The following CHD5 variants were observed in gnomAD, a reference collection of about 807,000 sequenced individuals.
CHD5 encodes the protein ATP-dependent chromatin remodeler CHD5.
In CHD5, 69 loss-of-function variants were observed where a neutral mutation model predicts 230.3. The ratio of observed to expected loss-of-function variants is 0.30; its 90% confidence interval spans 0.25 to 0.37. The LOEUF is 0.37. Among genes scored for constraint, CHD5 ranks in the 10% least tolerant of loss-of-function variants. CHD5 has a pLI of 1.00. For synonymous variants in CHD5, 1,064 were observed against 1,065.9 expected (o/e 1.00, Z 0.03); for missense variants, 1,827 against 2,622.8 (o/e 0.70, Z 6.63).
At position 6,131,495 on chromosome 1, in the gene CHD5, G is replaced by A. The variant is rs766125254; in HGVS notation, c.3262+136C>T. The A allele has an allele frequency of 7.4e-5, 42 of 568,240 alleles. No individual in the cohort carries two copies. The highest frequency in any genetic ancestry group is 1.1e-4 in the Non-Finnish European group (34 of 311,958). 35.2% of individuals were successfully genotyped at this position (568,240 alleles called of 1,614,324 possible). A position where few individuals can be genotyped will look rare whatever the true frequency, so the allele number is the denominator to read the frequency against. ...GGAATCCTTTTAACATTGGAAACTCGGACTGGCCTGCTGTCTTTAGCTGTT... is the reference window on the plus strand; with the variant it reads ...GGAATCCTTTTAACATTGGAAACTCAGACTGGCCTGCTGTCTTTAGCTGTT... On this transcript the variant is annotated intron_variant, in intron 21 of 41. Coordinates refer to ENST00000262450, the MANE Select transcript of CHD5 (RefSeq NM_015557.3). The surrounding 1 kb of genome is among the most constrained non-coding windows in gnomAD (Gnocchi z 5.0).
rs74209532 is a variant in CHD5 at position 6,150,431 on chromosome 1, A to AGGATGGAT, written c.994+593_994+600dup. On this transcript the variant is annotated intron_variant, in intron 7 of 41. Transcript: ENST00000262450. ...ATGGACAAGTGGATGGATGGATGATAGGATGGATGGATGGATGGATGGATG... is the reference window on the plus strand; with the variant it reads ...ATGGACAAGTGGATGGATGGATGATAGGATGGATGGATGGATGGATGGATGGATGGATG... 7.2e-3 allele frequency among the ~76,000 whole-genome samples: 949 copies of AGGATGGAT among 131,950 alleles called. 2 individuals are homozygous for AGGATGGAT. Among genetic ancestry groups the AGGATGGAT allele is most frequent in the African/African-American group, 0.011 (382 of 33,696 alleles). The allele number at this position is 131,950 out of a possible 152,430, so 86.6% of individuals were successfully genotyped here.
intron 5 of CHD5, among the ~76,000 whole-genome samples, chr1:6,153,075 C>T (rs577375812): frequency 6.6e-6 from 1 of 152,318 alleles, no homozygotes; most frequent in African/African-American, 2.4e-5. Context: ...CAATTAGCTA[C>T]CTGGGGAGTA....
At chr1:6,174,837 G>T (rs867123491) in intron 1 of CHD5, among the ~76,000 whole-genome samples, 2 of 150,364 alleles carry the variant, frequency 1.3e-5, no homozygotes, top group Non-Finnish European at 3.0e-5. Flanking sequence ...ATGGATAAAT[G>T]GATGAATGGA....
At chr1:6,127,531 C>T (rs1007996585) in intron 25 of CHD5, among the ~76,000 whole-genome samples, 2 of 150,020 alleles carry the variant, frequency 1.3e-5, no homozygotes, top group Middle Eastern at 3.5e-3. Context: ...GGAACGTTGG[C>T]GGTCCAGGTG....
At position 6,111,787 on chromosome 1, in the gene CHD5, G is replaced by T. The variant is rs747031590; in HGVS notation, c.5237C>A (p.Ala1746Glu). The change falls in exon 36 of 42, where the codon GCG becomes GAG. Residue 1746 changes from alanine to glutamate, a missense_variant. By Grantham distance (107) the Ala-to-Glu change is moderately radical. Around this residue, in one of 14 missense-constraint regions of CHD5, gnomAD observed 208 missense variants for 302.0 expected, o/e 0.69. Coordinates refer to ENST00000262450, the MANE Select transcript of CHD5 (RefSeq NM_015557.3). ...TGGCCAAGGATACGTCACGATGCCCGCCAGCAGCCAGTAGTCATGGCGCCG... is the reference window on the plus strand; with the variant it reads ...TGGCCAAGGATACGTCACGATGCCCTCCAGCAGCCAGTAGTCATGGCGCCG... ...WHRRHDYWLL[A>E]GIVTHGYARW... is the part of the protein sequence containing the mutation. 1 of 1,613,214 alleles carries T rather than the reference G, an allele frequency of 6.2e-7. No individual in the cohort carries two copies. The highest frequency in any genetic ancestry group is 1.7e-5 in the Admixed American group (1 of 60,022).
chr1:6,128,302 C>T lies in CHD5; in HGVS notation c.3731-84G>A. The stretch of plus-strand genomic sequence containing the variant: ...CCCAGGAACAGACTCCCAACAATGG[C>T]CCTTCCCATCCCCAGCAGGGGCTGC... On this transcript the variant is annotated intron_variant, in intron 24 of 41. Coordinates refer to ENST00000262450, the MANE Select transcript of CHD5 (RefSeq NM_015557.3). The surrounding 1 kb of genome is among the most constrained non-coding windows in gnomAD (Gnocchi z 7.8). 3 of 1,385,096 alleles carry T rather than the reference C, an allele frequency of 2.2e-6. No individual in the cohort carries two copies. The highest frequency in any genetic ancestry group is 1.4e-5 in the African/African-American group (1 of 70,890). The allele number at this position is 1,385,096 out of a possible 1,614,324, so 85.8% of individuals were successfully genotyped here. A position where few individuals can be genotyped will look rare whatever the true frequency, so the allele number is the denominator to read the frequency against.
chr1:6,149,044 T>A lies in CHD5; in HGVS notation c.1193A>T (p.Asp398Val). ...EKEGIQWEPKDDDDEEEEGGC... is the reference protein window; with the variant it reads ...EKEGIQWEPKVDDDEEEEGGC... ...GCCCTCCTCCTCTTCATCGTCGTCGTCCTTCGGCTCCCACTGGATCCCCTC... is the reference window on the plus strand; with the variant it reads ...GCCCTCCTCCTCTTCATCGTCGTCGACCTTCGGCTCCCACTGGATCCCCTC... The change falls in exon 9 of 42, where the codon GAC becomes GTC. Residue 398 changes from aspartate (D) to valine (V), a missense_variant. Transcript: ENST00000262450. 1.9e-6 allele frequency: 3 copies of A among 1,578,480 alleles called. No homozygotes were observed. Among genetic ancestry groups the A allele is most frequent in the Non-Finnish European group, 1.7e-6 (2 of 1,163,262 alleles).
intron 38 of CHD5, among the ~76,000 whole-genome samples, chr1:6,107,452 GGGATAATGGAGGGAT>G: frequency 7.0e-6 from 1 of 142,154 alleles, no homozygotes; most frequent in Non-Finnish European, 1.5e-5. Flanking sequence ...GGATGAGGGA[GGGATAATGGAGGGAT>G]GGAGGGATGA....
chr1:6,168,927 G>C (rs1048360921), intron 1 of CHD5, among the ~76,000 whole-genome samples: 15 of 151,940 alleles, frequency 9.9e-5, no homozygotes, highest in African/African-American at 3.6e-4. Flanking sequence ...GCTGAGGCTG[G>C]AGAATCGCTC....
At chr1:6,110,607 GGGC>G in intron 36 of CHD5, 81 bp from the exon 37 acceptor site, 1 of 1,430,226 alleles carries the variant, frequency 7.0e-7, no homozygotes, top group Non-Finnish European at 9.6e-7. Flanking sequence ...GGAGGGGGAG[GGGC>G]CAGCCCGGGG....
chr1:6,142,244 C>A lies in CHD5; in HGVS notation c.2320G>T (p.Asp774Tyr), dbSNP rs751630064. 5 of 1,614,004 alleles carry A rather than the reference C, an allele frequency of 3.1e-6. No individual in the cohort carries two copies. The African/African-American group carries it at 4.0e-5, about 13-fold the overall frequency. Reference sequence around the variant, plus strand: ...CCCGTGTAGGTGACCACGTAGAAGTCGGGCGCCCACATCTCAAACTCGCGT... The same window carrying A: ...CCCGTGTAGGTGACCACGTAGAAGTAGGGCGCCCACATCTCAAACTCGCGT... ...WEREFEMWAP[D>Y]FYVVTYTGDK... The change falls in exon 15 of 42, where the codon GAC becomes TAC. Residue 774 changes from aspartate (D) to tyrosine (Y), a missense_variant. By Grantham distance (160) the Asp-to-Tyr change is radical. Coordinates refer to ENST00000262450, the MANE Select transcript of CHD5 (RefSeq NM_015557.3). The surrounding 1 kb of genome is among the most constrained non-coding windows in gnomAD (Gnocchi z 5.2).
At chr1:6,157,189 A>G (rs1667093142) in intron 3 of CHD5, among the ~76,000 whole-genome samples, 1 of 152,090 alleles carries the variant, frequency 6.6e-6, no homozygotes. Flanking sequence ...ATCAGTACAC[A>G]CCACTCCTAG....
chr1:6,167,335 T>C lies in CHD5; in HGVS notation c.207+815A>G, dbSNP rs577578876. On this transcript the variant is annotated intron_variant, in intron 2 of 41. Coordinates refer to ENST00000262450, the MANE Select transcript of CHD5 (RefSeq NM_015557.3). The surrounding 1 kb of genome is among the most constrained non-coding windows in gnomAD (Gnocchi z 4.5). ...ACCTCTGAGCCCCCGCTCTCATCTGTGAAGTGAGGTGCTTGCCATTGCTCT... is the reference window on the plus strand; with the variant it reads ...ACCTCTGAGCCCCCGCTCTCATCTGCGAAGTGAGGTGCTTGCCATTGCTCT... Among the ~76,000 whole-genome samples, 2 of 152,202 alleles carry C rather than the reference T, an allele frequency of 1.3e-5. 1 individual carries two copies. The highest frequency in any genetic ancestry group is 4.1e-4 in the South Asian group (2 of 4,824).
At chr1:6,170,448 C>T (rs2100884345) in intron 1 of CHD5, among the ~76,000 whole-genome samples, 1 of 152,310 alleles carries the variant, frequency 6.6e-6, no homozygotes, top group Admixed American at 6.5e-5. Context: ...GCTCTGGTGG[C>T]TGAGCGGACG....
rs1366124955 is a variant in CHD5 at position 6,126,070 on chromosome 1, C to T, written c.4079-212G>A. On this transcript the variant is annotated intron_variant, in intron 26 of 41. Coordinates refer to ENST00000262450, the MANE Select transcript of CHD5 (RefSeq NM_015557.3). The surrounding 1 kb of genome is among the most constrained non-coding windows in gnomAD (Gnocchi z 5.7). ...GTACCATGTGTACCCACACATTACA[C>T]ATACTGTGTGCAAGGGACGTGCCCA... 6.6e-6 allele frequency among the ~76,000 whole-genome samples: 1 copy of T among 152,190 alleles called. No homozygotes were observed. Among genetic ancestry groups the T allele is most frequent in the Non-Finnish European group, 1.5e-5 (1 of 68,032 alleles).
intron 3 of CHD5, among the ~76,000 whole-genome samples, chr1:6,157,348 A>G (rs1168750245): frequency 1.3e-5 from 2 of 152,230 alleles, no homozygotes; most frequent in African/African-American, 4.8e-5. Context: ...CCTCATTCTC[A>G]GCCACAAGAA....
In CHD5 at chr1:6,142,026, C is replaced by A. The variant is rs993806587; in HGVS notation, c.2436+102G>T. On this transcript the variant is annotated intron_variant, in intron 15 of 41. Transcript: ENST00000262450. This position sits in a 1 kb window ranked among gnomAD's most constrained non-coding sequence, Gnocchi z 5.2. ...CCTCAGAGCCTGCCGGCCTCGGTAG[C>A]CCTCCCAGGCTGAGGGACCCCAAAG... 1.9e-6 allele frequency: 2 copies of A among 1,039,872 alleles called. No individual in the cohort carries two copies. Among genetic ancestry groups the A allele is most frequent in the African/African-American group, 1.6e-5 (1 of 63,532 alleles). 64.4% of individuals were successfully genotyped at this position (1,039,872 alleles called of 1,614,324 possible). A position where few individuals can be genotyped will look rare whatever the true frequency, so the allele number is the denominator to read the frequency against.
rs749471098 is a variant in CHD5, at chr1:6,134,745, G to A, written c.2985C>T (p.His995=). Reference sequence around the variant, plus strand: ...CGGCAGCCACAGGGAAGAGGTAGGGGTGGTTGCAGCACTTTTTCAGGTCCA... The same window carrying A: ...CGGCAGCCACAGGGAAGAGGTAGGGATGGTTGCAGCACTTTTTCAGGTCCA... The part of the protein sequence containing the change: ...IMMDLKKCCN[H]PYLFPVAAVE... The change falls in exon 19 of 42, where the codon CAC becomes CAT. Residue 995 remains histidine, a synonymous_variant. Transcript: ENST00000262450. This position sits in a 1 kb window ranked among gnomAD's most constrained non-coding sequence, Gnocchi z 6.3. The A allele has an allele frequency of 6.2e-7, 1 of 1,614,096 alleles. No homozygotes were observed. Among genetic ancestry groups the A allele is most frequent in the Non-Finnish European group, 8.5e-7 (1 of 1,180,036 alleles).
intron 5 of CHD5, among the ~76,000 whole-genome samples, chr1:6,153,594 C>T (rs564046670): frequency 2.6e-5 from 4 of 152,154 alleles, no homozygotes; most frequent in Admixed American, 6.6e-5. Flanking sequence ...TTTGGGAGGC[C>T]GAGGTGGGCA....
Sources: gnomAD v4.1 joint callset for allele counts (sites outside exome capture counted in the v4.1 genomes callset) on GRCh38, gnomAD v4.1.1 for gene constraint, gnomAD v4.1.1 regional missense constraint, Gnocchi (gnomAD v3.1) non-coding constraint, MANE v1.5 for transcripts, NCBI Gene and HGNC (gene_info 2026-07-23, HGNC 2026-07-21) for gene names.